ERG: variants seen among roughly 807,000 people sequenced by gnomAD.
ERG encodes the protein ETS transcription factor ERG.
In ERG, 9 loss-of-function variants were observed where a neutral mutation model predicts 55.3. The ratio of observed to expected loss-of-function variants is 0.16; its 90% CI spans 0.10 to 0.28. The LOEUF (loss-of-function observed/expected upper bound fraction) is 0.28. Ranked by LOEUF, ERG falls within the 10% of genes least tolerant of loss-of-function variation. The pLI, the probability that ERG is intolerant of heterozygous loss-of-function variation, is 1.00. For synonymous variants in ERG, 223 were observed against 237.3 expected (o/e 0.94, Z 0.55); for missense variants, 434 against 631.6 (o/e 0.69, Z 3.35).
At chr21:38,585,571 T>C (rs1433357600), upstream of ERG, among the ~76,000 whole-genome samples, 1 of 143,670 alleles carries the variant, frequency 7.0e-6, no homozygotes. Context: ...ATACAGGAAT[T>C]TCTTACACAA....
At chr21:38,468,981 T>TAAAAAAAA (rs2059114693) in intron 1 of ERG, among the ~76,000 whole-genome samples, 1 of 43,792 alleles carries the variant, frequency 2.3e-5, no homozygotes, top group Non-Finnish European at 4.4e-5. Flanking sequence ...AGACTCTGTC[T>TAAAAAAAA]CAAAAAAAAA....
intron 1 of ERG, among the ~76,000 whole-genome samples, chr21:38,446,158 A>T (rs1431823478): frequency 6.9e-6 from 1 of 145,342 alleles, no homozygotes; most frequent in Non-Finnish European, 1.5e-5. Flanking sequence ...TTCCACTCTA[A>T]GTTATTAGCC....
At chr21:38,398,195 C>T (rs565713010) in intron 6 of ERG, among the ~76,000 whole-genome samples, 2 of 152,276 alleles carry the variant, frequency 1.3e-5, no homozygotes, top group South Asian at 2.1e-4. Flanking sequence ...AAAAGCTCTT[C>T]CCCCTCAGCC....
intron 2 of ERG, among the ~76,000 whole-genome samples, chr21:38,426,296 C>T (rs1989821668): frequency 6.6e-6 from 1 of 152,230 alleles, no homozygotes; most frequent in Admixed American, 6.5e-5. Context: ...TATGAAAACA[C>T]AGAGTGTCTT....
At chr21:38,606,457 A>G (rs1369504016) in intron 1 of ERG, among the ~76,000 whole-genome samples, 2 of 152,222 alleles carry the variant, frequency 1.3e-5, no homozygotes, top group African/African-American at 2.4e-5. Context: ...AACAATCCTC[A>G]CTGAAGATAA....
chr21:38,371,090 A>AT, the ERG span, among the ~76,000 whole-genome samples: 5 of 152,196 alleles, frequency 3.3e-5, no homozygotes, highest in Non-Finnish European at 7.4e-5. Flanking sequence ...TAATGTTTTT[A>AT]AATGAAGGTT....
At chr21:38,371,790 G>A in the ERG span, among the ~76,000 whole-genome samples, 3 of 151,890 alleles carry the variant, frequency 2.0e-5, no homozygotes, top group Admixed American at 2.0e-4. Flanking sequence ...TTTGCATCTT[G>A]CATTCATAAG....
At chr21:38,478,142 C>T (rs570202537) in intron 1 of ERG, among the ~76,000 whole-genome samples, 12 of 152,190 alleles carry the variant, frequency 7.9e-5, no homozygotes, top group Non-Finnish European at 1.2e-4. Flanking sequence ...GACTCCAGAC[C>T]GGCCCCAATA....
intron 1 of ERG, among the ~76,000 whole-genome samples, chr21:38,595,785 C>T (rs1182645074): frequency 6.6e-6 from 1 of 152,176 alleles, no homozygotes; most frequent in Non-Finnish European, 1.5e-5. Context: ...TCCTGGAGGG[C>T]AGAACCTCGC....
chr21:38,601,199 G>A (rs907517511), intron 1 of ERG, among the ~76,000 whole-genome samples: 9 of 152,238 alleles, frequency 5.9e-5, no homozygotes, highest in East Asian at 3.9e-4. Context: ...TCCACAACGC[G>A]GCAGCCAGAT....
At chr21:38,391,538 G>C in intron 8 of ERG, 121 bp downstream of exon 8, 1 of 802,612 alleles carries the variant, frequency 1.2e-6, no homozygotes. Context: ...TCTTATGTAT[G>C]GAGCTGTCGA....
intron 2 of ERG, among the ~76,000 whole-genome samples, chr21:38,424,852 G>A (rs956728778): frequency 3.3e-5 from 5 of 152,182 alleles, no homozygotes; most frequent in African/African-American, 1.2e-4. Context: ...AGCAGTCCTA[G>A]AGGACCCTTG....
chr21:38,634,387 A>T (rs1001327836), intron 1 of ERG, among the ~76,000 whole-genome samples: 2 of 152,230 alleles, frequency 1.3e-5, no homozygotes, highest in Non-Finnish European at 2.9e-5. Context: ...ACAGCTGTGC[A>T]TAACGGGAAT....
intron 2 of ERG, among the ~76,000 whole-genome samples, chr21:38,546,491 AC>A (rs543086813): frequency 1.3e-5 from 2 of 152,124 alleles, no homozygotes; most frequent in Non-Finnish European, 2.9e-5. Context: ...CAATATTTCC[AC>A]AATATTGTGA....
chr21:38,391,510 C>A, intron 8 of ERG, 149 bp downstream of exon 8: 2 of 630,842 alleles, frequency 3.2e-6, no homozygotes, highest in East Asian at 2.8e-5. Context: ...CATGAGTAGG[C>A]TGATGACTTG....
At chr21:38,626,625 C>T (rs907182333) in intron 1 of ERG, among the ~76,000 whole-genome samples, 22 of 152,188 alleles carry the variant, frequency 1.4e-4, no homozygotes, top group African/African-American at 4.8e-4. Flanking sequence ...ATTTTCATAA[C>T]TTATTTTCAT....
At chr21:38,655,344 G>A (rs1161870546) in intron 1 of ERG, among the ~76,000 whole-genome samples, 1 of 152,096 alleles carries the variant, frequency 6.6e-6, no homozygotes, top group African/African-American at 2.4e-5. Context: ...ACAGAGGTGG[G>A]TCCAGGGAGG....
rs202050025 is a variant in ERG at position 38,383,333 on chromosome 21, T to C, written c.*70A>G. On this transcript the variant is annotated 3_prime_UTR_variant, in exon 10 of 10. Transcript: ENST00000288319. The surrounding 1 kb of genome is among the most constrained non-coding windows in gnomAD (Gnocchi z 5.7). ...TTCCTCTTGAGGCACTTTTGATTCA[T>C]GTTCTCCGATAGAGTTTGTGGCGAT... 1.5e-6 allele frequency: 2 copies of C among 1,374,482 alleles called. No individual in the cohort carries two copies. The highest frequency in any genetic ancestry group is 2.5e-5 in the East Asian group (1 of 40,202). The allele number at this position is 1,374,482 out of a possible 1,614,324, so 85.1% of individuals were successfully genotyped here.
chr21:38,497,987 T>G (rs1165488010), intron 1 of ERG, among the ~76,000 whole-genome samples: 2 of 152,192 alleles, frequency 1.3e-5, no homozygotes, highest in East Asian at 3.8e-4. Flanking sequence ...CAAACGCATC[T>G]TTTGCTTTGA....
Sources: gnomAD v4.1 joint callset for allele counts (sites outside exome capture counted in the v4.1 genomes callset) on GRCh38, gnomAD v4.1.1 for gene constraint, Gnocchi (gnomAD v3.1) non-coding constraint, MANE v1.5 for transcripts, NCBI Gene and HGNC (gene_info 2026-07-23, HGNC 2026-07-21) for gene names.